The following MTMR6 variants were observed in gnomAD, a reference collection of about 807,000 sequenced individuals.
MTMR6 encodes phosphatidylinositol-3,5-bisphosphate 3-phosphatase MTMR6.
A neutral mutation model predicts 80.1 loss-of-function variants in MTMR6; 47 were observed. That is an observed-to-expected ratio of 0.59 (90% CI 0.46 to 0.75). The LOEUF is 0.75. Among genes scored for constraint, MTMR6 ranks in the 30% least tolerant of loss-of-function variants. MTMR6 has a pLI of 0.00. For missense variants in MTMR6, 629 were observed against 730.9 expected (o/e 0.86, Z 1.61); for synonymous variants, 254 against 253.0 (o/e 1.00, Z -0.04).
In MTMR6 at chr13:25,271,447, C is replaced by T. The variant is rs570424641; in HGVS notation, c.141+2624G>A. Among the ~76,000 whole-genome samples, 360 of 152,316 alleles carry T rather than the reference C, an allele frequency of 2.4e-3. 2 individuals carry two copies. Among genetic ancestry groups the T allele is most frequent in the African/African-American group, 8.1e-3 (337 of 41,578 alleles). ...CAAAGCTACCTGACAACACAGTCTACGTGAGCTCATTTTACTACTCTACAC... is the reference window on the plus strand; with the variant it reads ...CAAAGCTACCTGACAACACAGTCTATGTGAGCTCATTTTACTACTCTACAC... On this transcript the variant is annotated intron_variant, in intron 2 of 13. Coordinates refer to ENST00000381801, the MANE Select transcript of MTMR6 (RefSeq NM_004685.5).
In MTMR6 at chr13:25,253,981, T is replaced by A. The variant is rs763717349; in HGVS notation, c.1146-17A>T. 1.2e-6 allele frequency: 2 copies of A among 1,612,584 alleles called. No individual in the cohort carries two copies. The highest frequency in any genetic ancestry group is 2.7e-5 in the African/African-American group (2 of 74,882). ...TGGCCACACCTAACCCCACAGAAAGTATAAGCTTTTAAAAACACCTCTGAA... is the reference window on the plus strand; with the variant it reads ...TGGCCACACCTAACCCCACAGAAAGAATAAGCTTTTAAAAACACCTCTGAA... On this transcript the variant is annotated splice_polypyrimidine_tract_variant and intron_variant, in intron 10 of 13. Transcript: ENST00000381801.
chr13:25,277,902 T>C (rs946219895), intron 1 of MTMR6, among the ~76,000 whole-genome samples: 3 of 152,204 alleles, frequency 2.0e-5, no homozygotes, highest in Non-Finnish European at 4.4e-5. Context: ...TCTAAGCCTA[T>C]TTCCTGACTC....
At chr13:25,283,100 C>A (rs1306717823) in intron 1 of MTMR6, among the ~76,000 whole-genome samples, 1 of 151,872 alleles carries the variant, frequency 6.6e-6, no homozygotes, top group Non-Finnish European at 1.5e-5. Flanking sequence ...AAAAATCTGA[C>A]CACCTAAGCT....
chr13:25,249,256 A>G lies in MTMR6; in HGVS notation c.1842T>C (p.Tyr614=). Reference sequence around the variant, plus strand: ...TCTAACAAGTCATTCTTGCCACACCATACTCTAAGCTGACCACAGCAGGTT... The same window carrying G: ...TCTAACAAGTCATTCTTGCCACACCGTACTCTAAGCTGACCACAGCAGGTT... ...KSEPAVVSLE[Y]GVARMTC The change falls in exon 14 of 14, where the codon TAT becomes TAC. Residue 614 remains tyrosine (Y), a synonymous_variant. Transcript: ENST00000381801. 1 of 1,613,922 alleles carries G rather than the reference A, an allele frequency of 6.2e-7. No individual in the cohort carries two copies. Among genetic ancestry groups the G allele is most frequent in the Non-Finnish European group, 8.5e-7 (1 of 1,179,856 alleles).
rs2137510339 is a variant in MTMR6 at position 25,249,468 on chromosome 13, G to C, written c.1630C>G (p.Gln544Glu). ...TCCTTGGTGAGGATGCCATCTGTTTGCTTATTTTTGCGTTGTTTAATTTTC... is the reference window on the plus strand; with the variant it reads ...TCCTTGGTGAGGATGCCATCTGTTTCCTTATTTTTGCGTTGTTTAATTTTC... Reference protein sequence around the residue: ...ESKIKQRKNKQTDGILTKELL... With the variant: ...ESKIKQRKNKETDGILTKELL... The change falls in exon 14 of 14, where the codon CAA (glutamine) becomes GAA (glutamate). Residue 544 changes from glutamine to glutamate, a missense_variant. Gln to Glu is a conservative substitution (Grantham distance 29). Transcript: ENST00000381801. The C allele has an allele frequency of 6.2e-7, 1 of 1,613,152 alleles. No homozygotes were observed. Among genetic ancestry groups the C allele is most frequent in the Non-Finnish European group, 8.5e-7 (1 of 1,179,446 alleles).
At chr13:25,263,678 G>A (rs949817139) in intron 5 of MTMR6, among the ~76,000 whole-genome samples, 1 of 152,184 alleles carries the variant, frequency 6.6e-6, no homozygotes, top group Non-Finnish European at 1.5e-5. Context: ...CCTGAGGTCA[G>A]GAGTTCGAAA....
intron 5 of MTMR6, among the ~76,000 whole-genome samples, chr13:25,262,613 C>T (rs1435960568): frequency 4.6e-5 from 7 of 152,144 alleles, no homozygotes; most frequent in Non-Finnish European, 8.8e-5. Flanking sequence ...AGCGATCTGC[C>T]CACCTCACCT....
chr13:25,251,378 T>C lies in MTMR6; in HGVS notation c.1605+271A>G, dbSNP rs949140670. Among the ~76,000 whole-genome samples, 2 of 152,180 alleles carry C rather than the reference T, an allele frequency of 1.3e-5. No homozygotes were observed. Among genetic ancestry groups the C allele is most frequent in the Non-Finnish European group, 2.9e-5 (2 of 68,016 alleles). On this transcript the variant is annotated intron_variant, in intron 13 of 13. Coordinates refer to ENST00000381801, the MANE Select transcript of MTMR6 (RefSeq NM_004685.5). The surrounding 1 kb of genome is among the most constrained non-coding windows in gnomAD (Gnocchi z 4.1). ...GATCTGAGGCATATATAGTAAATGT[T>C]AAAATCCCACAAAAGCTAGCTGGTG... is the stretch of plus-strand genomic sequence containing the variant.
intron 2 of MTMR6, among the ~76,000 whole-genome samples, chr13:25,268,293 C>T (rs372204133): frequency 1.3e-5 from 2 of 152,216 alleles, no homozygotes; most frequent in African/African-American, 2.4e-5. Flanking sequence ...CCTAAATGCT[C>T]TCTCCATACC....
chr13:25,287,371 T>A lies in MTMR6; in HGVS notation c.-124A>T. 7.5e-7 allele frequency: 1 copy of A among 1,330,988 alleles called. No homozygotes were observed. Among genetic ancestry groups the A allele is most frequent in the Non-Finnish European group, 1.0e-6 (1 of 961,448 alleles). 82.4% of individuals were successfully genotyped at this position (1,330,988 alleles called of 1,614,324 possible). A position where few individuals can be genotyped will look rare whatever the true frequency, so the allele number is the denominator to read the frequency against. ...CACCAGCCAGCGCCGCGGGTCTGTC[T>A]GCCGGCCCCGGTGGCGTCAACGGCG... On this transcript the variant is annotated 5_prime_UTR_variant, in exon 1 of 14. Transcript: ENST00000381801.
In MTMR6 at chr13:25,257,804, C is replaced by T. The variant is rs770125533; in HGVS notation, c.901G>A (p.Gly301Ser). ...CGAAGCCATCCCGAGCTCTCCAAAC[C>T]GGAGTAGAAATCATTGACAGAAAGC... Reference protein sequence around the residue: ...KGLSVNDFYSGLESSGWLRHI... With the variant: ...KGLSVNDFYSSLESSGWLRHI... Residue 301 changes from glycine to serine, a missense_variant, in exon 8 of 14, where the codon GGT becomes AGT. Physicochemically the swap from Gly to Ser is moderately conservative, Grantham distance 56. Transcript: ENST00000381801. 1.4e-5 allele frequency: 23 copies of T among 1,613,696 alleles called. No homozygotes were observed. Among genetic ancestry groups the T allele is most frequent in the African/African-American group, 6.7e-5 (5 of 74,906 alleles).
At position 25,267,883 on chromosome 13, in the gene MTMR6, G is replaced by C. The variant is rs1200951697; in HGVS notation, c.200C>G (p.Pro67Arg). Residue 67 changes from proline to arginine, a missense_variant, in exon 3 of 14, where the codon CCC (proline) becomes CGC (arginine). Coordinates refer to ENST00000381801, the MANE Select transcript of MTMR6 (RefSeq NM_004685.5). ...GAAGTTCTTGCACTGTATCACAAGGGGGCATCCAGAAGTAGTCAAAGCAAG... is the reference window on the plus strand; with the variant it reads ...GAAGTTCTTGCACTGTATCACAAGGCGGCATCCAGAAGTAGTCAAAGCAAG... Reference protein sequence around the residue: ...EKLALTTSGCPLVIQCKNFRT... With the variant: ...EKLALTTSGCRLVIQCKNFRT... 1 of 1,613,128 alleles carries C rather than the reference G, an allele frequency of 6.2e-7. No homozygotes were observed. The highest frequency in any genetic ancestry group is 1.3e-5 in the African/African-American group (1 of 74,870).
chr13:25,269,753 G>C (rs1330592119), intron 2 of MTMR6, among the ~76,000 whole-genome samples: 1 of 151,868 alleles, frequency 6.6e-6, no homozygotes, highest in African/African-American at 2.4e-5. Flanking sequence ...ATCAAGAAAA[G>C]CTTGAAAAAC....
rs4296130 is a variant in MTMR6, at chr13:25,249,087, T to C, written c.*145A>G. On this transcript the variant is annotated 3_prime_UTR_variant, in exon 14 of 14. Coordinates refer to ENST00000381801, the MANE Select transcript of MTMR6 (RefSeq NM_004685.5). ...AAATGACTTATTTCTCTCACAAGGG[T>C]AGTTATTATCCTTCCTTCAACTATT... is the stretch of plus-strand genomic sequence containing the variant. The C allele has an allele frequency of 0.075, 55,080 of 737,248 alleles. 2,332 individuals carry two copies. The highest frequency in any genetic ancestry group is 0.094 in the Admixed American group (3,062 of 32,556). 45.7% of individuals were successfully genotyped at this position (737,248 alleles called of 1,614,324 possible).
chr13:25,268,024 T>C, intron 2 of MTMR6, 83 bp from the exon 3 acceptor site: 1 of 1,372,466 alleles, frequency 7.3e-7, no homozygotes, highest in East Asian at 2.4e-5. Context: ...TAAGAATGTC[T>C]TCCTCAAAAA....
intron 9 of MTMR6, among the ~76,000 whole-genome samples, chr13:25,254,875 T>C (rs542424875): frequency 6.6e-5 from 10 of 152,184 alleles, no homozygotes; most frequent in African/African-American, 2.2e-4. Context: ...ATTATTTATA[T>C]ACTACTTTTT....
At chr13:25,265,436 T>G (rs1255638516) in intron 5 of MTMR6, among the ~76,000 whole-genome samples, 2 of 152,178 alleles carry the variant, frequency 1.3e-5, no homozygotes, top group Non-Finnish European at 2.9e-5. Flanking sequence ...TAGCAATCTT[T>G]TAATGTAAAA....
chr13:25,279,992 GGT>G (rs1402303058), intron 1 of MTMR6, among the ~76,000 whole-genome samples: 1 of 152,276 alleles, frequency 6.6e-6, no homozygotes, highest in East Asian at 1.9e-4. Context: ...AGGGCAACCA[GGT>G]AAGAAGCTAA....
At chr13:25,256,935 A>G (rs755098497) in intron 9 of MTMR6, among the ~76,000 whole-genome samples, 6 of 152,236 alleles carry the variant, frequency 3.9e-5, no homozygotes, top group African/African-American at 1.2e-4. Context: ...ACAAATGGAA[A>G]TAAGTCTAAT....
Sources: gnomAD v4.1 joint callset for allele counts (sites outside exome capture counted in the v4.1 genomes callset) on GRCh38, gnomAD v4.1.1 for gene constraint, Gnocchi (gnomAD v3.1) non-coding constraint, MANE v1.5 for transcripts, NCBI Gene and HGNC (gene_info 2026-07-23, HGNC 2026-07-21) for gene names.